DGKB: variants seen among roughly 807,000 people sequenced by gnomAD.
The protein encoded by DGKB is diacylglycerol kinase beta, also known as 90 kDa diacylglycerol kinase.
A neutral mutation model predicts 114.3 loss-of-function variants in DGKB; 67 were observed. That is an observed-to-expected ratio of 0.59 (90% CI 0.48 to 0.72). The LOEUF (loss-of-function observed/expected upper bound fraction) is 0.72. Ranked by LOEUF, DGKB falls within the 30% of genes least tolerant of loss-of-function variation. The pLI, the probability that DGKB is intolerant of heterozygous loss-of-function variation, is 0.00. For missense variants in DGKB, 907 were observed against 975.2 expected (o/e 0.93, Z 0.93); for synonymous variants, 398 against 323.1 (o/e 1.23, Z -2.49).
intron 21 of DGKB, among the ~76,000 whole-genome samples, chr7:14,352,097 C>T (rs1403155558): frequency 1.3e-5 from 2 of 152,098 alleles, no homozygotes; most frequent in African/African-American, 4.8e-5. Context: ...ATTCATAAGA[C>T]GTGCTTGTTA....
intron 23 of DGKB, among the ~76,000 whole-genome samples, chr7:14,254,768 GT>G (rs1460633862): frequency 2.6e-5 from 4 of 152,244 alleles, no homozygotes. Flanking sequence ...GCAGCAGTGT[GT>G]GATCAAGTAT....
chr7:14,476,626 T>TA (rs1269283566), intron 21 of DGKB, among the ~76,000 whole-genome samples: 2 of 151,934 alleles, frequency 1.3e-5, no homozygotes, highest in African/African-American at 4.8e-5. Flanking sequence ...TTCTTTACGA[T>TA]AAAAAGTATA....
At chr7:14,939,621 CTT>C (rs60427374) in intron 1 of DGKB, among the ~76,000 whole-genome samples, 50 of 84,146 alleles carry the variant, frequency 5.9e-4, no homozygotes, top group African/African-American at 1.8e-3. Flanking sequence ...AAATATAATA[CTT>C]TTTTTTTTTT....
chr7:14,699,467 T>C (rs757104311), intron 7 of DGKB, among the ~76,000 whole-genome samples: 8 of 152,210 alleles, frequency 5.3e-5, no homozygotes, highest in Non-Finnish European at 1.0e-4. Flanking sequence ...ATAGCTACTC[T>C]AACTTTACCT....
intron 14 of DGKB, among the ~76,000 whole-genome samples, chr7:14,626,343 G>A (rs763358471): frequency 1.3e-5 from 2 of 152,214 alleles, no homozygotes; most frequent in African/African-American, 4.8e-5. Flanking sequence ...AAAGGCGAGT[G>A]CTTTCCTGCC....
chr7:14,406,218 T>C (rs1239199154), intron 21 of DGKB, among the ~76,000 whole-genome samples: 1 of 151,844 alleles, frequency 6.6e-6, no homozygotes, highest in African/African-American at 2.4e-5. Flanking sequence ...GATGACACAA[T>C]AGCCTAGCAA....
intron 13 of DGKB, among the ~76,000 whole-genome samples, chr7:14,632,806 G>C (rs989364201): frequency 7.9e-5 from 12 of 151,742 alleles, no homozygotes; most frequent in African/African-American, 2.4e-4. Context: ...AACTGTTAAA[G>C]ATAAATGAAA....
rs182015051 is a variant in DGKB, at chr7:14,658,751, T to C, written c.1134+14178A>G. Reference sequence around the variant, plus strand: ...TTTATATTTATAATTTTAATAAATATGATTTAAAAATTACGTTTATAAAAC... The same window carrying C: ...TTTATATTTATAATTTTAATAAATACGATTTAAAAATTACGTTTATAAAAC... On this transcript the variant is annotated intron_variant, in intron 13 of 25. Transcript: ENST00000402815. Among the ~76,000 whole-genome samples the C allele has an allele frequency of 6.3e-3, 950 of 151,872 alleles. 9 individuals carry two copies. Among genetic ancestry groups the C allele is most frequent in the African/African-American group, 0.022 (914 of 41,484 alleles).
At chr7:14,490,854 G>C (rs980260458) in intron 20 of DGKB, among the ~76,000 whole-genome samples, 4 of 151,922 alleles carry the variant, frequency 2.6e-5, no homozygotes, top group African/African-American at 4.8e-5. Context: ...TTTTTCTTTA[G>C]AGACAAAATG....
At chr7:14,332,686 T>A (rs939620820) in intron 23 of DGKB, among the ~76,000 whole-genome samples, 24 of 152,176 alleles carry the variant, frequency 1.6e-4, no homozygotes, top group African/African-American at 5.8e-4. Context: ...ATAGTAAATA[T>A]AAAACCATTA....
At chr7:14,702,026 C>T (rs1825285852) in intron 6 of DGKB, among the ~76,000 whole-genome samples, 1 of 152,120 alleles carries the variant, frequency 6.6e-6, no homozygotes, top group Non-Finnish European at 1.5e-5. Context: ...CAACTCAAAA[C>T]TAAAAGAGAA....
At chr7:14,861,180 T>A (rs541779542) in intron 1 of DGKB, among the ~76,000 whole-genome samples, 16 of 152,132 alleles carry the variant, frequency 1.1e-4, no homozygotes, top group Middle Eastern at 3.4e-3. Context: ...TAATTCATAC[T>A]GTTTGAGTAT....
At position 14,331,492 on chromosome 7, in the gene DGKB, T is replaced by G. The variant is rs73679709; in HGVS notation, c.2122+7023A>C. Reference sequence around the variant, plus strand: ...ACACTGCTTTCTAAATTACCCTAAATAACCCATAGAAATGTCTAGAAAAAT... The same window carrying G: ...ACACTGCTTTCTAAATTACCCTAAAGAACCCATAGAAATGTCTAGAAAAAT... On this transcript the variant is annotated intron_variant, in intron 23 of 25. Coordinates refer to ENST00000402815, the MANE Select transcript of DGKB (RefSeq NM_001350709.2). Among the ~76,000 whole-genome samples the G allele has an allele frequency of 9.4e-3, 1,427 of 152,150 alleles. 23 individuals are homozygous for G. The highest frequency in any genetic ancestry group is 0.033 in the African/African-American group (1,354 of 41,508).
At chr7:14,786,476 C>A (rs1562531152) in intron 2 of DGKB, among the ~76,000 whole-genome samples, 1 of 152,196 alleles carries the variant, frequency 6.6e-6, no homozygotes. Context: ...GAGCTGGCTG[C>A]AGTGGGGAGG....
At chr7:14,522,530 T>G (rs1220173077) in intron 20 of DGKB, among the ~76,000 whole-genome samples, 1 of 152,126 alleles carries the variant, frequency 6.6e-6, no homozygotes, top group Non-Finnish European at 1.5e-5. Context: ...CTGGTGATAC[T>G]CCAAATCAAA....
chr7:14,837,156 A>G (rs1486648327), intron 2 of DGKB, among the ~76,000 whole-genome samples: 1 of 152,226 alleles, frequency 6.6e-6, no homozygotes, highest in Non-Finnish European at 1.5e-5. Context: ...ACCCAAAGTC[A>G]GATATCTGAA....
chr7:14,545,692 C>G (rs1304114831), intron 20 of DGKB, among the ~76,000 whole-genome samples: 1 of 152,206 alleles, frequency 6.6e-6, no homozygotes, highest in African/African-American at 2.4e-5. Flanking sequence ...ACACTGGGAT[C>G]TGCTGGGCAA....
chr7:14,814,234 C>T (rs929283114), intron 2 of DGKB: 5 of 152,134 alleles, frequency 3.3e-5, no homozygotes, highest in Non-Finnish European at 5.9e-5. Flanking sequence ...TAAGATATAA[C>T]CACAAGAAAA....
At chr7:14,597,872 T>C (rs1802865280) in intron 17 of DGKB, among the ~76,000 whole-genome samples, 1 of 152,138 alleles carries the variant, frequency 6.6e-6, no homozygotes, top group South Asian at 2.1e-4. Flanking sequence ...TAATTATGGC[T>C]TTTATTTTAA....
Sources: gnomAD v4.1 joint callset for allele counts (sites outside exome capture counted in the v4.1 genomes callset) on GRCh38, gnomAD v4.1.1 for gene constraint, MANE v1.5 for transcripts, NCBI Gene and HGNC (gene_info 2026-07-23, HGNC 2026-07-21) for gene names.